The following DPH6 variants were observed in gnomAD, a reference collection of about 807,000 sequenced individuals.
The protein encoded by DPH6 is diphthamine biosynthesis 6.
A neutral mutation model predicts 38.2 loss-of-function variants in DPH6; 33 were observed. The ratio of observed to expected loss-of-function variants is 0.86; its 90% CI spans 0.65 to 1.15. The LOEUF (loss-of-function observed/expected upper bound fraction) is 1.15, where lower values mean the gene tolerates loss of function less well. Among genes scored for constraint, DPH6 ranks in the 50% most tolerant of loss-of-function variants. DPH6 has a pLI of 0.00. For synonymous variants in DPH6, 108 were observed against 103.0 expected (o/e 1.05, Z -0.30); for missense variants, 325 against 320.0 (o/e 1.02, Z -0.12).
At chr15:35,223,839 A>G (rs1406908394) in intron 3 of DPH6, among the ~76,000 whole-genome samples, 1 of 152,082 alleles carries the variant, frequency 6.6e-6, no homozygotes, top group Non-Finnish European at 1.5e-5. Context: ...AGTTTTAACT[A>G]ATGCATAATG....
At chr15:35,379,396 C>T (rs1377358524) in intron 7 of DPH6, among the ~76,000 whole-genome samples, 1 of 152,148 alleles carries the variant, frequency 6.6e-6, no homozygotes, top group African/African-American at 2.4e-5. Context: ...ACAATTATTA[C>T]ATCAAATATA....
At chr15:35,188,857 TGGGTGATA>T in the DPH6 span, among the ~76,000 whole-genome samples, 2 of 151,636 alleles carry the variant, frequency 1.3e-5, no homozygotes, top group Non-Finnish European at 2.9e-5. Context: ...CACTCCAGCC[TGGGTGATA>T]GAGTGCCTCA....
intron 3 of DPH6, among the ~76,000 whole-genome samples, chr15:35,245,541 A>G (rs2051632034): frequency 6.6e-6 from 1 of 152,176 alleles, no homozygotes; most frequent in Admixed American, 6.5e-5. Context: ...CTGGCGGGTC[A>G]TTGTTTAAAT....
At chr15:35,185,227 C>T in the DPH6 span, among the ~76,000 whole-genome samples, 5 of 152,088 alleles carry the variant, frequency 3.3e-5, no homozygotes, top group African/African-American at 9.7e-5. Flanking sequence ...ATCCCAACTG[C>T]GTATCAAGTG....
chr15:35,264,096 GTT>G (rs35083341), intron 3 of DPH6, among the ~76,000 whole-genome samples: 13 of 146,660 alleles, frequency 8.9e-5, no homozygotes, highest in Non-Finnish European at 9.0e-5. Context: ...TTTAAGCCTT[GTT>G]TTTTTTTTTA....
At chr15:35,211,409 G>A in the DPH6 span, among the ~76,000 whole-genome samples, 1 of 152,144 alleles carries the variant, frequency 6.6e-6, no homozygotes, top group Non-Finnish European at 1.5e-5. Context: ...ATAACTGTCT[G>A]TAGAGCTCAC....
At chr15:35,264,915 G>T (rs2051773738) in intron 3 of DPH6, among the ~76,000 whole-genome samples, 1 of 152,154 alleles carries the variant, frequency 6.6e-6, no homozygotes, top group Non-Finnish European at 1.5e-5. Flanking sequence ...GGCCTCCATA[G>T]GCAGATTATG....
chr15:35,229,111 C>CT (rs2051501003), intron 3 of DPH6, among the ~76,000 whole-genome samples: 1 of 152,074 alleles, frequency 6.6e-6, no homozygotes, highest in Non-Finnish European at 1.5e-5. Context: ...GAAAAATTCT[C>CT]TGTTATTATT....
chr15:35,431,240 T>TA (rs2053629189), intron 5 of DPH6, among the ~76,000 whole-genome samples: 1 of 152,186 alleles, frequency 6.6e-6, no homozygotes, highest in Admixed American at 6.5e-5. Flanking sequence ...ATTACCCCTA[T>TA]ACCTATCTAG....
intron 3 of DPH6, among the ~76,000 whole-genome samples, chr15:35,468,939 G>C (rs1200842057): frequency 1.3e-5 from 2 of 152,136 alleles, no homozygotes; most frequent in Non-Finnish European, 2.9e-5. Context: ...ATGATGGCAG[G>C]TGCCTGTAAT....
At chr15:35,386,371 G>A (rs1007404403) in intron 6 of DPH6, among the ~76,000 whole-genome samples, 8 of 152,314 alleles carry the variant, frequency 5.3e-5, no homozygotes, top group African/African-American at 1.4e-4. Flanking sequence ...CCAGTAATGG[G>A]ATGGCTGGGT....
At chr15:35,530,548 A>G (rs1443449577) in intron 3 of DPH6, among the ~76,000 whole-genome samples, 1 of 152,220 alleles carries the variant, frequency 6.6e-6, no homozygotes, top group Admixed American at 6.5e-5. Flanking sequence ...GAAAAGATAA[A>G]TACAAAGGGT....
intron 5 of DPH6, among the ~76,000 whole-genome samples, chr15:35,423,632 A>AT (rs1184241798): frequency 2.0e-5 from 3 of 151,446 alleles, no homozygotes; most frequent in African/African-American, 7.3e-5. Flanking sequence ...CAATGACAAG[A>AT]TTTTTTCCTT....
intron 3 of DPH6, among the ~76,000 whole-genome samples, chr15:35,527,280 T>C (rs982138918): frequency 2.6e-5 from 4 of 151,966 alleles, no homozygotes; most frequent in Non-Finnish European, 5.9e-5. Context: ...CTCTCAAATA[T>C]ATTCTCATTT....
Position 35,237,423 on chromosome 15 carries a change from A to C in DPH6, n.201-16841T>G, listed in dbSNP as rs188564909. 3.0e-3 allele frequency: 4,808 copies of C among 1,605,330 alleles called. 12 individuals carry two copies. Among genetic ancestry groups the C allele is most frequent in the Non-Finnish European group, 3.6e-3 (4,205 of 1,172,578 alleles). On this transcript the variant is annotated intron_variant and non_coding_transcript_variant, in intron 3 of 3. Coordinates refer to the DPH6 transcript ENST00000560386. ...GACAACAGTCGGTCGAATGAAGGCA[A>C]ACTCGAAGGCCTCACAGATGAATCT...
chr15:35,369,862 GA>G (rs1329936006), downstream of DPH6, among the ~76,000 whole-genome samples: 3 of 151,624 alleles, frequency 2.0e-5, no homozygotes, highest in African/African-American at 7.3e-5. Context: ...TGTGGATACG[GA>G]AAAACTGATT....
At chr15:35,486,706 G>A (rs2054403506) in intron 3 of DPH6, among the ~76,000 whole-genome samples, 1 of 151,972 alleles carries the variant, frequency 6.6e-6, no homozygotes, top group Non-Finnish European at 1.5e-5. Flanking sequence ...CAAATCTCAT[G>A]TCCTTCTCAC....
intron 3 of DPH6, among the ~76,000 whole-genome samples, chr15:35,530,371 A>C (rs2055068561): frequency 6.6e-6 from 1 of 152,202 alleles, no homozygotes; most frequent in Admixed American, 6.5e-5. Flanking sequence ...CTAGAGATTG[A>C]AAATATAAAG....
rs534096016 is a variant in DPH6, at chr15:35,262,563, G to A, written n.201-41981C>T. On this transcript the variant is annotated intron_variant and non_coding_transcript_variant, in intron 3 of 3. Coordinates refer to the DPH6 transcript ENST00000560386. ...CTACTAAAAATACAAAAAATTAGCT[G>A]GGCGTGGTGGCGGGCGCCTGTAGTC... Among the ~76,000 whole-genome samples, 53 of 152,082 alleles carry A rather than the reference G, an allele frequency of 3.5e-4. No homozygotes were observed. The South Asian group carries it at 5.8e-3, about 17-fold the overall frequency.
Sources: allele counts gnomAD v4.1 joint callset (sites outside exome capture counted in the v4.1 genomes callset), GRCh38; gene constraint gnomAD v4.1.1; transcripts MANE v1.5; gene names NCBI Gene and HGNC (gene_info 2026-07-23, HGNC 2026-07-21).